The following SMARCA2 variants were observed in gnomAD, a reference collection of about 807,000 sequenced individuals.
The protein encoded by SMARCA2 is SWI/SNF related BAF chromatin remodeling complex subunit ATPase 2.
SMARCA2 carries 61 observed loss-of-function variants against 199.8 expected under a neutral mutation model. The observed-to-expected ratio is 0.31, with a 90% CI of 0.25 to 0.38. The LOEUF is 0.38. Ranked by LOEUF, SMARCA2 falls within the 10% of genes least tolerant of loss-of-function variation. The pLI is 1.00. For synonymous variants in SMARCA2, 935 were observed against 732.0 expected (o/e 1.28, Z -4.48); for missense variants, 1,344 against 2,012.2 (o/e 0.67, Z 6.35).
rs191790983 is a variant in SMARCA2, at chr9:2,103,632, G to A, written c.3126-371G>A. ...AAATTTACAGAAACATGGCATATAC[G>A]TGTGTGTGTACGTGTGTGTGTGTGT... is the stretch of plus-strand genomic sequence containing the variant. On this transcript the variant is annotated intron_variant, in intron 22 of 33. Coordinates refer to ENST00000349721, the MANE Select transcript of SMARCA2 (RefSeq NM_003070.5). Among the ~76,000 whole-genome samples, 9 of 147,298 alleles carry A rather than the reference G, an allele frequency of 6.1e-5. No individual in the cohort carries two copies. In the East Asian group the frequency reaches 1.2e-3, roughly 19 times the overall value.
chr9:2,179,729 C>T (rs1207504800), intron 29 of SMARCA2, among the ~76,000 whole-genome samples: 5 of 152,038 alleles, frequency 3.3e-5, no homozygotes, highest in African/African-American at 9.7e-5. Flanking sequence ...TGCCTGTACT[C>T]CATCAATAGA....
At chr9:2,082,306 G>GGTGTGT (rs3057852) in intron 15 of SMARCA2, among the ~76,000 whole-genome samples, 71 of 121,854 alleles carry the variant, frequency 5.8e-4, no homozygotes, top group East Asian at 1.5e-3. Context: ...AAAGGGGAAA[G>GGTGTGT]GTGTGTGTGT....
chr9:2,056,879 T>G lies in SMARCA2; in HGVS notation c.1347+34T>G. The stretch of plus-strand genomic sequence containing the variant: ...ACCCTGGGCTTTGCTCACCCTCACT[T>G]TGGCAGAGCTGTCCAATGAATTCAT... On this transcript the variant is annotated intron_variant, in intron 7 of 33. Transcript: ENST00000349721. The surrounding 1 kb of genome is among the most constrained non-coding windows in gnomAD (Gnocchi z 4.0). The G allele has an allele frequency of 6.3e-7, 1 of 1,594,956 alleles. No homozygotes were observed.
intron 27 of SMARCA2, among the ~76,000 whole-genome samples, chr9:2,156,414 C>CT (rs57161267): frequency 0.012 from 821 of 68,996 alleles, 45 homozygotes; most frequent in Non-Finnish European, 0.014. Flanking sequence ...CCATTTTAGA[C>CT]TTTTTTTTTT....
Position 2,101,598 on chromosome 9 carries a change from C to G in SMARCA2, c.3107C>G (p.Ser1036Ter). ...TCCTTTGCTGAACACCTAGGCTATT[C>G]AAATGGGGTCATCAATGGGTAAATC... ...EESFAEHLGY[S>*]NGVINGAELY... The change falls in exon 22 of 34, where the codon TCA (serine) becomes TGA (stop). Residue 1036 changes from serine to a stop codon, truncating the protein, a stop_gained. Transcript: ENST00000349721. LOFTEE classifies it high-confidence loss of function. The G allele has an allele frequency of 6.4e-7, 1 of 1,556,474 alleles. No homozygotes were observed. The highest frequency in any genetic ancestry group is 8.8e-7 in the Non-Finnish European group (1 of 1,137,820).
At chr9:2,118,564 T>C (rs1271987282) in intron 25 of SMARCA2, among the ~76,000 whole-genome samples, 1 of 152,178 alleles carries the variant, frequency 6.6e-6, no homozygotes, top group Admixed American at 6.5e-5. Context: ...TACACTGAAA[T>C]TCCCCGTTTG....
chr9:2,089,483 T>G (rs1821956605), intron 19 of SMARCA2, among the ~76,000 whole-genome samples: 1 of 152,170 alleles, frequency 6.6e-6, no homozygotes, highest in Admixed American at 6.5e-5. Flanking sequence ...TTTGGACAGA[T>G]TGGTTCATCC....
chr9:2,020,148 C>T (rs72687571), intron 1 of SMARCA2, among the ~76,000 whole-genome samples: 14,368 of 152,216 alleles, frequency 0.094, 771 homozygotes, highest in East Asian at 0.21. Flanking sequence ...CATTTCTTTT[C>T]TGCTGTATTT....
chr9:2,177,449 G>A (rs1364788247), intron 29 of SMARCA2, among the ~76,000 whole-genome samples: 1 of 151,972 alleles, frequency 6.6e-6, no homozygotes, highest in Non-Finnish European at 1.5e-5. Flanking sequence ...ATCAGCTTGA[G>A]CAGGTAAAAA....
At chr9:2,030,948 T>C (rs1007123952) in intron 2 of SMARCA2, among the ~76,000 whole-genome samples, 1 of 152,248 alleles carries the variant, frequency 6.6e-6, no homozygotes, top group Non-Finnish European at 1.5e-5. Flanking sequence ...ATGGTTATTT[T>C]GAAAAGGAAA....
At chr9:2,146,860 T>A (rs1480606710) in intron 27 of SMARCA2, among the ~76,000 whole-genome samples, 2 of 152,106 alleles carry the variant, frequency 1.3e-5, no homozygotes, top group Non-Finnish European at 2.9e-5. Context: ...CATCTTGGTT[T>A]TGGTGGGTTT....
chr9:2,112,692 T>G (rs906174866), intron 24 of SMARCA2, among the ~76,000 whole-genome samples: 5 of 152,204 alleles, frequency 3.3e-5, no homozygotes, highest in Non-Finnish European at 7.3e-5. Flanking sequence ...CATAGGTAGA[T>G]TCACTTCCAC....
At position 2,155,720 on chromosome 9, in the gene SMARCA2, CTTTTTTTTTTTT is replaced by C. The variant is rs59156319; in HGVS notation, c.3982-5939_3982-5928del. ...TATGGCATATGGGGAAAGAGAAAACCTTTTTTTTTTTTTTTTTTTTTTTTTTTTTTTTTTTTT... is the reference window on the plus strand; with the variant it reads ...TATGGCATATGGGGAAAGAGAAAACCTTTTTTTTTTTTTTTTTTTTTTTTT... On this transcript the variant is annotated intron_variant, in intron 27 of 33. Coordinates refer to ENST00000349721, the MANE Select transcript of SMARCA2 (RefSeq NM_003070.5). 9.4e-3 allele frequency among the ~76,000 whole-genome samples: 499 copies of C among 53,148 alleles called. 18 individuals are homozygous for C. Among genetic ancestry groups the C allele is most frequent in the African/African-American group, 0.029 (446 of 15,366 alleles). 34.9% of individuals were successfully genotyped at this position (53,148 alleles called of 152,430 possible). A position where few individuals can be genotyped will look rare whatever the true frequency, so the allele number is the denominator to read the frequency against.
chr9:2,032,085 T>G (rs1819096437), intron 2 of SMARCA2, among the ~76,000 whole-genome samples: 1 of 152,220 alleles, frequency 6.6e-6, no homozygotes, highest in African/African-American at 2.4e-5. Flanking sequence ...CTGCAGAAAT[T>G]AACTTTCTTT....
At chr9:2,185,502 C>G (rs772704287) in intron 31 of SMARCA2, among the ~76,000 whole-genome samples, 1 of 152,166 alleles carries the variant, frequency 6.6e-6, no homozygotes, top group Non-Finnish European at 1.5e-5. Context: ...TTCAAGACGC[C>G]TCTTGTGATT....
intron 27 of SMARCA2, among the ~76,000 whole-genome samples, chr9:2,156,873 C>T (rs916502339): frequency 5.9e-5 from 9 of 152,210 alleles, no homozygotes; most frequent in South Asian, 2.1e-4. Flanking sequence ...ACTCCCCGGC[C>T]GTCTTCCCTC....
chr9:2,131,728 C>T (rs981114933), intron 27 of SMARCA2, among the ~76,000 whole-genome samples: 3 of 152,086 alleles, frequency 2.0e-5, no homozygotes, highest in African/African-American at 7.2e-5. Flanking sequence ...CGCCTGTAAT[C>T]CCAGCACTTT....
In SMARCA2 at chr9:2,170,410, C is replaced by G. The variant is rs757097815; in HGVS notation, c.4200-9C>G. ...TTCTGACTCTAGTGTTCTTTCTACT[C>G]TACCGCAGGTGTAACGTGGAGAAGG... is the stretch of plus-strand genomic sequence containing the variant. On this transcript the variant is annotated splice_polypyrimidine_tract_variant and intron_variant, in intron 28 of 33. Transcript: ENST00000349721. This position sits in a 1 kb window ranked among gnomAD's most constrained non-coding sequence, Gnocchi z 4.7. 3 of 1,614,102 alleles carry G rather than the reference C, an allele frequency of 1.9e-6. No homozygotes were observed. The highest frequency in any genetic ancestry group is 1.7e-5 in the Admixed American group (1 of 60,016).
chr9:2,140,706 A>C (rs1824419435), intron 27 of SMARCA2, among the ~76,000 whole-genome samples: 1 of 152,236 alleles, frequency 6.6e-6, no homozygotes, highest in South Asian at 2.1e-4. Context: ...AGAAGGAGCC[A>C]AGAAAAATCA....
Sources: gnomAD v4.1 joint callset for allele counts (sites outside exome capture counted in the v4.1 genomes callset) on GRCh38, gnomAD v4.1.1 for gene constraint, Gnocchi (gnomAD v3.1) non-coding constraint, MANE v1.5 for transcripts, NCBI Gene and HGNC (gene_info 2026-07-23, HGNC 2026-07-21) for gene names.